Variants in HTD2 observed in about 807,000 individuals in gnomAD.
HTD2 encodes the protein hydroxyacyl-thioester dehydratase type 2.
HTD2 carries 1 observed loss-of-function variant against 3.1 expected under a neutral mutation model. The observed-to-expected ratio is 0.32, with a 90% confidence interval of 0.11 to 1.52. The LOEUF (loss-of-function observed/expected upper bound fraction) is 1.52, where lower values mean the gene tolerates loss of function less well. HTD2 is among the 40% of genes most tolerant of loss of function. The probability of loss-of-function intolerance (pLI) is 0.39; values close to 1 mark genes in which losing one functional copy is unlikely to be tolerated. For synonymous variants in HTD2, 50 were observed against 28.9 expected, an observed-to-expected ratio of 1.73 and a Z score of -2.34; for missense variants, 150 against 79.6, an observed-to-expected ratio of 1.88 and a Z score of -3.36.
chr3:58,313,119 C>T (rs1447441244), intron 2 of HTD2, among the ~76,000 whole-genome samples: 2 of 151,788 alleles, frequency 1.3e-5, no homozygotes, highest in Non-Finnish European at 2.9e-5. Flanking sequence ...AAAAGCCGGG[C>T]GCAGCGGCGG....
rs1327877228 is a variant in HTD2 at position 58,317,470 on chromosome 3, A to G, written c.-144A>G. ...TCCATTTCTTCTTGCATTATCTGGT[A>G]ATAGTAGGGAACTAGTATTGGATTG... On this transcript the variant is annotated 5_prime_UTR_variant, in exon 5 of 5. It removes the in-frame stop codon of an upstream open reading frame in the 5' UTR. Transcript: ENST00000461393. The G allele has an allele frequency of 3.8e-6, 6 of 1,598,736 alleles. 1 individual carries two copies. In the East Asian group the frequency reaches 6.7e-5, roughly 18 times the overall value.
chr3:58,311,516 G>A (rs1175610156), intron 2 of HTD2, among the ~76,000 whole-genome samples: 1 of 152,140 alleles, frequency 6.6e-6, no homozygotes, highest in East Asian at 1.9e-4. Flanking sequence ...TTCTGTGCCT[G>A]GCTGGCTTCA....
At chr3:58,306,331 G>A (rs2097474422), upstream of HTD2, 1 of 152,438 alleles carries the variant, frequency 6.6e-6, no homozygotes, top group African/African-American at 2.4e-5. Context: ...CCCAGCTGTG[G>A]CTGCTGCCGG....
chr3:58,320,026 C>G lies in HTD2; in HGVS notation c.*1906C>G, dbSNP rs1464921471. 2 of 152,146 alleles carry G rather than the reference C, an allele frequency of 1.3e-5. No homozygotes were observed. The highest frequency in any genetic ancestry group is 3.8e-4 in the East Asian group (2 of 5,200). 9.4% of individuals were successfully genotyped at this position (152,146 alleles called of 1,614,324 possible). On this transcript the variant is annotated 3_prime_UTR_variant, in exon 5 of 5. Coordinates refer to ENST00000461393, the MANE Select transcript of HTD2 (RefSeq NM_001348712.2). Reference sequence around the variant, plus strand: ...GGAATCACCAGTCTACTTTCTGTCTCTATGGGTTTCCCTGTTCTGGACATT... The same window carrying G: ...GGAATCACCAGTCTACTTTCTGTCTGTATGGGTTTCCCTGTTCTGGACATT...
rs1372935367 is a variant in HTD2 at position 58,317,835 on chromosome 3, A to C, written c.222A>C (p.Lys74Asn). 1.4e-6 allele frequency: 1 copy of C among 702,950 alleles called. No homozygotes were observed. The highest frequency in any genetic ancestry group is 2.6e-6 in the Non-Finnish European group (1 of 385,016). The allele number at this position is 702,950 out of a possible 1,614,324, so 43.5% of individuals were successfully genotyped here. ...TGCATTTGAATGAAGACTTTGCAAA[A>C]CACACCAAGTTTGGAAATACAATTG... ...NPLHLNEDFA[K>N]HTKFGNTIVH... Residue 74 changes from lysine (K) to asparagine (N), a missense_variant, in exon 5 of 5, where the codon AAA (lysine) becomes AAC (asparagine). Lys to Asn is a moderately conservative substitution (Grantham distance 94). Coordinates refer to ENST00000461393, the MANE Select transcript of HTD2 (RefSeq NM_001348712.2).
At chr3:58,313,377 C>G (rs1559794483) in intron 2 of HTD2, among the ~76,000 whole-genome samples, 1 of 152,170 alleles carries the variant, frequency 6.6e-6, no homozygotes, top group African/African-American at 2.4e-5. Flanking sequence ...TTTTAAGCAA[C>G]TTTGAGAACA....
At chr3:58,313,385 A>G (rs2097484589) in intron 2 of HTD2, among the ~76,000 whole-genome samples, 2 of 152,272 alleles carry the variant, frequency 1.3e-5, no homozygotes, top group Admixed American at 1.3e-4. Context: ...AACTTTGAGA[A>G]CAGAAGTAGA....
At chr3:58,310,176 C>A (rs2097480568) in intron 1 of HTD2, 10 of 646,982 alleles carry the variant, frequency 1.5e-5, no homozygotes, top group Non-Finnish European at 2.4e-5. Flanking sequence ...CACTGCACTT[C>A]AGCCTAGGTG....
intron 1 of HTD2, among the ~76,000 whole-genome samples, chr3:58,309,628 A>G (rs745958027): frequency 6.6e-6 from 1 of 152,238 alleles, no homozygotes; most frequent in Admixed American, 6.5e-5. Context: ...ACAGTGGCTC[A>G]CACCTGTAAT....
intron 2 of HTD2, among the ~76,000 whole-genome samples, chr3:58,314,051 G>A (rs1272070660): frequency 6.6e-6 from 1 of 152,116 alleles, no homozygotes; most frequent in Non-Finnish European, 1.5e-5. Flanking sequence ...ACAAGACCAT[G>A]TCTCAAAAAT....
rs778617798 is a variant in HTD2, at chr3:58,317,410, A to G, written c.-174-30A>G. The G allele has an allele frequency of 6.6e-6, 10 of 1,512,398 alleles. No individual in the cohort carries two copies. In the East Asian group the frequency reaches 2.3e-4, roughly 34 times the overall value. The allele number at this position is 1,512,398 out of a possible 1,614,324, so 93.7% of individuals were successfully genotyped here. On this transcript the variant is annotated intron_variant, in intron 4 of 4. Coordinates refer to ENST00000461393, the MANE Select transcript of HTD2 (RefSeq NM_001348712.2). ...CCTGTGCTTCAGTGTGGTTTCTCCC[A>G]ATGCCTTAACCTTTTTCTTTCTCTT...
rs1221888829 is a variant in HTD2, at chr3:58,320,180, T to C, written c.*2060T>C. On this transcript the variant is annotated 3_prime_UTR_variant, in exon 5 of 5. Transcript: ENST00000461393. Reference sequence around the variant, plus strand: ...ATTTTATGGCTGAATAATATTCCATTGTATTTACCCATACATCAGTTGATA... The same window carrying C: ...ATTTTATGGCTGAATAATATTCCATCGTATTTACCCATACATCAGTTGATA... 1.3e-5 allele frequency: 2 copies of C among 152,156 alleles called. No homozygotes were observed. The highest frequency in any genetic ancestry group is 4.8e-5 in the African/African-American group (2 of 41,434). 9.4% of individuals were successfully genotyped at this position (152,156 alleles called of 1,614,324 possible). A position where few individuals can be genotyped will look rare whatever the true frequency, so the allele number is the denominator to read the frequency against.
upstream of HTD2, chr3:58,306,318 G>C (rs1473638504): frequency 6.6e-6 from 1 of 152,360 alleles, no homozygotes; most frequent in Non-Finnish European, 1.5e-5. Context: ...GGAGTTTCTC[G>C]GGCCCAGCTG....
rs758032308 is a variant in HTD2 at position 58,310,285 on chromosome 3, T to C, written c.-415-222T>C. The stretch of plus-strand genomic sequence containing the variant: ...AAAAATAGCATGTGCATTGGTCATT[T>C]CTAGCCCTCTTGACTTACTGTAGGT... On this transcript the variant is annotated intron_variant, in intron 1 of 4. Transcript: ENST00000461393. The C allele has an allele frequency of 1.1e-5, 17 of 1,563,154 alleles. No homozygotes were observed. In the East Asian group the frequency reaches 2.9e-4, roughly 27 times the overall value.
rs768915018 is a variant in HTD2 at position 58,317,978 on chromosome 3, A to G, written c.365A>G (p.Glu122Gly). The change falls in exon 5 of 5, where the codon GAA (glutamate) becomes GGA (glycine). Residue 122 changes from glutamate to glycine, a missense_variant. Glu to Gly is a moderately conservative substitution (Grantham distance 98). Coordinates refer to ENST00000461393, the MANE Select transcript of HTD2 (RefSeq NM_001348712.2). ...ISFPAPLYIG[E>G]VVLASAEVKK... ...TTTCCAGCCCCTTTATATATTGGAGAAGTTGTTTTAGCTTCTGCAGAAGTG... is the reference window on the plus strand; with the variant it reads ...TTTCCAGCCCCTTTATATATTGGAGGAGTTGTTTTAGCTTCTGCAGAAGTG... The G allele has an allele frequency of 1.4e-6, 1 of 702,848 alleles. No individual in the cohort carries two copies. The highest frequency in any genetic ancestry group is 1.5e-5 in the South Asian group (1 of 67,584). 43.5% of individuals were successfully genotyped at this position (702,848 alleles called of 1,614,324 possible).
chr3:58,312,062 A>T (rs2097482828), intron 2 of HTD2, among the ~76,000 whole-genome samples: 1 of 151,762 alleles, frequency 6.6e-6, no homozygotes, highest in Non-Finnish European at 1.5e-5. Flanking sequence ...GCAAGGTCTC[A>T]CTATGTTGCC....
chr3:58,312,950 G>A, intron 2 of HTD2, among the ~76,000 whole-genome samples: 1 of 118,662 alleles, frequency 8.4e-6, no homozygotes, highest in African/African-American at 3.4e-5. Flanking sequence ...AACAGAGCAA[G>A]ACTCTGTCTC....
intron 1 of HTD2, among the ~76,000 whole-genome samples, chr3:58,308,973 G>A (rs2097478916): frequency 6.6e-6 from 1 of 152,244 alleles, no homozygotes; most frequent in Non-Finnish European, 1.5e-5. Context: ...CATGTTCTAC[G>A]TTCTTGAAAG....
chr3:58,317,535 C>T lies in HTD2; in HGVS notation c.-79C>T, dbSNP rs1553725171. On this transcript the variant is annotated 5_prime_UTR_variant, in exon 5 of 5. Transcript: ENST00000461393. ...CATTTTGGAAACGTTCATCCACTCT[C>T]ATATTTATTTTTTGGTGCCTGCATG... The T allele has an allele frequency of 7.2e-7, 1 of 1,388,376 alleles. No homozygotes were observed. 86.0% of individuals were successfully genotyped at this position (1,388,376 alleles called of 1,614,324 possible). A position where few individuals can be genotyped will look rare whatever the true frequency, so the allele number is the denominator to read the frequency against.
Sources: allele counts gnomAD v4.1 joint callset (sites outside exome capture counted in the v4.1 genomes callset), GRCh38; gene constraint gnomAD v4.1.1; transcripts MANE v1.5; gene names NCBI Gene and HGNC (gene_info 2026-07-23, HGNC 2026-07-21).